The following IL6R variants were observed in gnomAD, a reference collection of about 807,000 sequenced individuals.
IL6R encodes interleukin 6 receptor.
A neutral mutation model predicts 48.3 loss-of-function variants in IL6R; 38 were observed. That is an observed-to-expected ratio of 0.79 (90% CI 0.61 to 1.03). IL6R has a LOEUF of 1.03. Among genes scored for constraint, IL6R ranks in the 50% least tolerant of loss-of-function variants. The pLI is 0.00. For synonymous variants in IL6R, 264 were observed against 256.2 expected, an observed-to-expected ratio of 1.03 and a Z score of -0.29; for missense variants, 534 against 618.3, an observed-to-expected ratio of 0.86 and a Z score of 1.45.
chr1:154,431,969 C>G (rs1488317045), intron 3 of IL6R, among the ~76,000 whole-genome samples: 2 of 152,066 alleles, frequency 1.3e-5, no homozygotes, highest in Non-Finnish European at 2.9e-5. Context: ...CGCAGTTGAC[C>G]ACAGGTAGCC....
At chr1:154,415,766 G>A (rs1461835742) in intron 1 of IL6R, among the ~76,000 whole-genome samples, 3 of 152,138 alleles carry the variant, frequency 2.0e-5, no homozygotes, top group Non-Finnish European at 4.4e-5. Flanking sequence ...ATCATTTGAG[G>A]TCAGGAGTTT....
Position 154,405,757 on chromosome 1 carries a change from G to A in IL6R, c.85+43G>A. The stretch of plus-strand genomic sequence containing the variant: ...ACCTGGAGGGCTGGGGCAGCTAGCG[G>A]CTGGGGGAAACCGCCTTGGTCACCG... On this transcript the variant is annotated intron_variant, in intron 1 of 9. Coordinates refer to ENST00000368485, the MANE Select transcript of IL6R (RefSeq NM_000565.4). The surrounding 1 kb of genome is among the most constrained non-coding windows in gnomAD (Gnocchi z 5.2). 1 of 1,369,008 alleles carries A rather than the reference G, an allele frequency of 7.3e-7. No individual in the cohort carries two copies. The highest frequency in any genetic ancestry group is 9.5e-7 in the Non-Finnish European group (1 of 1,052,430). The allele number at this position is 1,369,008 out of a possible 1,614,324, so 84.8% of individuals were successfully genotyped here.
intron 9 of IL6R, among the ~76,000 whole-genome samples, chr1:154,462,303 C>T (rs1207747068): frequency 6.6e-6 from 1 of 152,078 alleles, no homozygotes; most frequent in Non-Finnish European, 1.5e-5. Context: ...AGCTCTGCAT[C>T]CTGCCTTTCA....
intron 6 of IL6R, among the ~76,000 whole-genome samples, chr1:154,437,973 C>G (rs913184161): frequency 6.6e-6 from 1 of 151,996 alleles, no homozygotes; most frequent in Non-Finnish European, 1.5e-5. Context: ...CTCGCCCTCC[C>G]AAAATGCTGG....
In IL6R at chr1:154,429,403, G is replaced by A. The variant is rs749494588; in HGVS notation, c.293G>A (p.Arg98Gln). 3.8e-5 allele frequency: 61 copies of A among 1,613,650 alleles called. No homozygotes were observed. Among genetic ancestry groups the A allele is most frequent in the Non-Finnish European group, 3.9e-5 (46 of 1,179,794 alleles). The part of the protein sequence containing the change: ...LHDSGNYSCY[R>Q]AGRPAGTVHL... ...GACTCTGGAAACTATTCATGCTACC[G>A]GGCCGGCCGCCCAGCTGGGACTGTG... The change falls in exon 2 of 10, where the codon CGG becomes CAG. Residue 98 changes from arginine to glutamine, a missense_variant. Arg to Gln is a conservative substitution (Grantham distance 43, BLOSUM62 1). Coordinates refer to ENST00000368485, the MANE Select transcript of IL6R (RefSeq NM_000565.4).
intron 6 of IL6R, among the ~76,000 whole-genome samples, chr1:154,442,223 A>G (rs1221854931): frequency 6.6e-6 from 1 of 152,104 alleles, no homozygotes; most frequent in African/African-American, 2.4e-5. Flanking sequence ...TACGTAATAG[A>G]TGGTGTTCAC....
chr1:154,405,529 G>GGGGCCC lies in IL6R; in HGVS notation c.-101_-100insGGGCCC. The GGGGCCC allele has an allele frequency of 2.6e-6, 1 of 388,508 alleles. No homozygotes were observed. The highest frequency in any genetic ancestry group is 4.7e-6 in the Non-Finnish European group (1 of 214,592). The allele number at this position is 388,508 out of a possible 1,614,324, so 24.1% of individuals were successfully genotyped here. A position where few individuals can be genotyped will look rare whatever the true frequency, so the allele number is the denominator to read the frequency against. Reference sequence around the variant, plus strand: ...CTGCCCCCGGGGCCTGAGCCCGCCTGCCCGCCCACCGCCCCGCCCCGCCCC... The same window carrying GGGGCCC: ...CTGCCCCCGGGGCCTGAGCCCGCCTGGGGCCCCCCGCCCACCGCCCCGCCCCGCCCC... On this transcript the variant is annotated 5_prime_UTR_variant, in exon 1 of 10. Transcript: ENST00000368485. The surrounding 1 kb of genome is among the most constrained non-coding windows in gnomAD (Gnocchi z 5.2).
chr1:154,419,923 G>A (rs567527050), intron 1 of IL6R, among the ~76,000 whole-genome samples: 1 of 152,310 alleles, frequency 6.6e-6, no homozygotes, highest in Admixed American at 6.5e-5. Flanking sequence ...CTTTCCCAGA[G>A]CTGTGCTGCA....
At chr1:154,431,750 G>A (rs2149239461) in intron 3 of IL6R, among the ~76,000 whole-genome samples, 1 of 152,234 alleles carries the variant, frequency 6.6e-6, no homozygotes, top group South Asian at 2.1e-4. Flanking sequence ...CAGCTGTTTT[G>A]GGTGACTCTG....
intron 8 of IL6R, chr1:154,454,069 A>G (rs989728320): frequency 4.8e-6 from 1 of 206,340 alleles, no homozygotes; most frequent in Non-Finnish European, 1.0e-5. Flanking sequence ...CATTGTCCTC[A>G]AAGGAACTGC....
At chr1:154,434,941 C>T (rs757335758) in intron 4 of IL6R, 49 bp from the exon 5 acceptor site, 143 of 1,598,346 alleles carry the variant, frequency 8.9e-5, no homozygotes, top group Admixed American at 1.7e-4. Flanking sequence ...ATGGGCTTCT[C>T]TACACTATAT....
chr1:154,437,829 T>C (rs1689720932), intron 6 of IL6R, among the ~76,000 whole-genome samples: 1 of 151,614 alleles, frequency 6.6e-6, no homozygotes, highest in African/African-American at 2.4e-5. Flanking sequence ...TTCTCCTGCC[T>C]CAGCCTCCTG....
chr1:154,449,891 G>A lies in IL6R; in HGVS notation c.997-20G>A. ...TGCAATCTGCAGAAACAGGCTGATG[G>A]TGAGGAATGTCTCTTTTAGGCACTT... On this transcript the variant is annotated intron_variant, in intron 7 of 9. Coordinates refer to ENST00000368485, the MANE Select transcript of IL6R (RefSeq NM_000565.4). 2 of 1,539,624 alleles carry A rather than the reference G, an allele frequency of 1.3e-6. No homozygotes were observed. Among genetic ancestry groups the A allele is most frequent in the Middle Eastern group, 1.7e-4 (1 of 5,900 alleles).
rs758505670 is a variant in IL6R at position 154,448,137 on chromosome 1, C to T, written c.962C>T (p.Pro321Leu). The T allele has an allele frequency of 1.2e-6, 2 of 1,613,922 alleles. No individual in the cohort carries two copies. Among genetic ancestry groups the T allele is most frequent in the Non-Finnish European group, 1.7e-6 (2 of 1,179,856 alleles). ...MGTPWTESRS[P>L]PAENEVSTPM... ...CTTCTGTCCGCAGAATCCAGGAGTC[C>T]TCCAGCTGAGAACGAGGTGTCCACC... Residue 321 changes from proline (P) to leucine (L), a missense_variant, in exon 7 of 10, where the codon CCT becomes CTT. By Grantham distance (98) the Pro-to-Leu change is moderately conservative. Transcript: ENST00000368485.
chr1:154,424,100 C>A (rs910381656), intron 1 of IL6R, among the ~76,000 whole-genome samples: 5 of 152,204 alleles, frequency 3.3e-5, no homozygotes, highest in Non-Finnish European at 5.9e-5. Flanking sequence ...GGCTCCTCTG[C>A]CCCCCAGCCT....
intron 1 of IL6R, among the ~76,000 whole-genome samples, chr1:154,421,820 C>T (rs4556348): frequency 0.14 from 21,894 of 152,134 alleles, 1,649 homozygotes; most frequent in South Asian, 0.21. Flanking sequence ...GGAGTTTTGC[C>T]GTGTTGCCCA....
rs781363874 is a variant in IL6R, at chr1:154,465,306, C to T, written c.1333C>T (p.His445Tyr). 3 of 1,614,194 alleles carry T rather than the reference C, an allele frequency of 1.9e-6. No homozygotes were observed. Among genetic ancestry groups the T allele is most frequent in the Non-Finnish European group, 2.5e-6 (3 of 1,180,036 alleles). ...CCTGGGGTCTGACAATACCTCGAGC[C>T]ACAACCGACCAGATGCCAGGGACCC... ...SSLGSDNTSS[H>Y]NRPDARDPRS... is the part of the protein sequence containing the mutation. The change falls in exon 10 of 10, where the codon CAC becomes TAC. Residue 445 changes from histidine (H) to tyrosine (Y), a missense_variant. His to Tyr is a moderately conservative substitution (Grantham distance 83, BLOSUM62 2). Coordinates refer to ENST00000368485, the MANE Select transcript of IL6R (RefSeq NM_000565.4).
At chr1:154,458,378 T>C (rs956140950) in intron 9 of IL6R, among the ~76,000 whole-genome samples, 1 of 152,214 alleles carries the variant, frequency 6.6e-6, no homozygotes, top group Non-Finnish European at 1.5e-5. Flanking sequence ...AAGCCTGTTA[T>C]ATTTTTTGGC....
rs1691682640 is a variant in IL6R, at chr1:154,469,190, GTTAA to G, written c.*3815_*3818del. 1.3e-5 allele frequency: 2 copies of G among 152,234 alleles called. No homozygotes were observed. Among genetic ancestry groups the G allele is most frequent in the Admixed American group, 1.3e-4 (2 of 15,290 alleles). The allele number at this position is 152,234 out of a possible 1,614,324, so 9.4% of individuals were successfully genotyped here. On this transcript the variant is annotated 3_prime_UTR_variant, in exon 10 of 10. Coordinates refer to ENST00000368485, the MANE Select transcript of IL6R (RefSeq NM_000565.4). ...GATTGGAACAGCATGTCACAAGGCT[GTTAA>G]TTAACAGAGAGACCTTATTGGATGG... is the stretch of plus-strand genomic sequence containing the variant.
Sources: allele counts gnomAD v4.1 joint callset (sites outside exome capture counted in the v4.1 genomes callset), GRCh38; gene constraint gnomAD v4.1.1; non-coding constraint Gnocchi (gnomAD v3.1); transcripts MANE v1.5; gene names NCBI Gene and HGNC (gene_info 2026-07-23, HGNC 2026-07-21).